Variants in PDE5A observed in about 807,000 individuals in gnomAD.
PDE5A encodes cGMP-specific 3',5'-cyclic phosphodiesterase.
Under a neutral mutation model 110.2 loss-of-function variants are expected in PDE5A, and 67 were observed. That is an observed-to-expected ratio of 0.61 (90% CI 0.50 to 0.75). The LOEUF (loss-of-function observed/expected upper bound fraction) is 0.75. Among genes scored for constraint, PDE5A ranks in the 30% least tolerant of loss-of-function variants. PDE5A has a pLI of 0.00. For synonymous variants in PDE5A, 328 were observed against 351.2 expected (o/e 0.93, Z 0.74); for missense variants, 862 against 1,045.1 (o/e 0.82, Z 2.42).
rs1305019938 is a variant in PDE5A, at chr4:119,627,425, C to A, written c.152+1095G>T. ...GTGGGACCCGGGCGTCGAACCCGGG[C>A]GGGCTCCTCGACCATCACTGCCGGG... On this transcript the variant is annotated intron_variant, in intron 1 of 20. Transcript: ENST00000354960. The surrounding 1 kb of genome is among the most constrained non-coding windows in gnomAD (Gnocchi z 4.6). 2 of 404,506 alleles carry A rather than the reference C, an allele frequency of 4.9e-6. No individual in the cohort carries two copies. Among genetic ancestry groups the A allele is most frequent in the Middle Eastern group, 1.2e-3 (1 of 824 alleles). 25.1% of individuals were successfully genotyped at this position (404,506 alleles called of 1,614,324 possible).
chr4:119,591,877 C>T (rs774376319), intron 3 of PDE5A, among the ~76,000 whole-genome samples: 11 of 152,010 alleles, frequency 7.2e-5, no homozygotes, highest in Non-Finnish European at 1.2e-4. Flanking sequence ...CTGGGCCGGG[C>T]GCAGTGGCTC....
At chr4:119,575,578 G>C (rs567692412) in intron 3 of PDE5A, among the ~76,000 whole-genome samples, 1 of 152,220 alleles carries the variant, frequency 6.6e-6, no homozygotes, top group East Asian at 1.9e-4. Flanking sequence ...TTCATATCCA[G>C]CCAAACTAAG....
chr4:119,541,300 ATTATAT>A (rs947763154), intron 10 of PDE5A, among the ~76,000 whole-genome samples: 4 of 151,488 alleles, frequency 2.6e-5, no homozygotes, highest in African/African-American at 9.7e-5. Context: ...TAGATTAAAA[ATTATAT>A]TTATATATTT....
chr4:119,604,768 T>C (rs1398675448), intron 2 of PDE5A, among the ~76,000 whole-genome samples: 1 of 152,148 alleles, frequency 6.6e-6, no homozygotes, highest in Non-Finnish European at 1.5e-5. Context: ...CATCTTCAAC[T>C]CCTCTTTTCC....
intron 1 of PDE5A, among the ~76,000 whole-genome samples, chr4:119,608,703 A>T (rs1729629264): frequency 6.6e-6 from 1 of 152,222 alleles, no homozygotes; most frequent in Non-Finnish European, 1.5e-5. Flanking sequence ...AGGATATTTC[A>T]AATAATTTGC....
At chr4:119,581,436 T>C (rs1238455720) in intron 3 of PDE5A, among the ~76,000 whole-genome samples, 1 of 152,166 alleles carries the variant, frequency 6.6e-6, no homozygotes, top group African/African-American at 2.4e-5. Context: ...CATGTGTGTG[T>C]GCGTGTATAT....
At chr4:119,530,004 C>T (rs1726474381) in intron 11 of PDE5A, among the ~76,000 whole-genome samples, 1 of 152,104 alleles carries the variant, frequency 6.6e-6, no homozygotes, top group Non-Finnish European at 1.5e-5. Context: ...GAGTGGGGCT[C>T]AGCAATCTGC....
chr4:119,501,247 T>A lies in PDE5A; in HGVS notation c.2413A>T (p.Met805Leu). 6.3e-7 allele frequency: 1 copy of A among 1,596,598 alleles called. No homozygotes were observed. Among genetic ancestry groups the A allele is most frequent in the East Asian group, 2.2e-5 (1 of 44,732 alleles). ...ATTTTGTTTTTCTTCTCCCTGTTCA[T>A]TAGATCCTGAAAATACAAATACAGA... ...KELNIEPTDLMNREKKNKIPS... is the reference protein window; with the variant it reads ...KELNIEPTDLLNREKKNKIPS... Residue 805 changes from methionine to leucine, a missense_variant, in exon 20 of 21, where the codon ATG becomes TTG. By Grantham distance (15) the Met-to-Leu change is conservative. Transcript: ENST00000354960.
At position 119,497,008 on chromosome 4, in the gene PDE5A, T is replaced by C. The variant is rs1725101925; in HGVS notation, c.*1593A>G. ...ATTATGTCAAGATATTTGTACACAC[T>C]CAGAATTTTAAAAACTTAAGGAACA... is the stretch of plus-strand genomic sequence containing the variant. On this transcript the variant is annotated 3_prime_UTR_variant, in exon 21 of 21. Transcript: ENST00000354960. The C allele has an allele frequency of 6.6e-6, 1 of 152,094 alleles. No individual in the cohort carries two copies. The highest frequency in any genetic ancestry group is 1.5e-5 in the Non-Finnish European group (1 of 67,990). 9.4% of individuals were successfully genotyped at this position (152,094 alleles called of 1,614,324 possible).
intron 3 of PDE5A, among the ~76,000 whole-genome samples, chr4:119,594,026 C>T (rs1247272781): frequency 4.6e-5 from 7 of 152,136 alleles, no homozygotes; most frequent in South Asian, 2.1e-4. Context: ...CACCTGGTCC[C>T]GCCCTTGATA....
intron 3 of PDE5A, among the ~76,000 whole-genome samples, chr4:119,575,069 T>G (rs535814734): frequency 3.9e-5 from 6 of 152,064 alleles, no homozygotes; most frequent in African/African-American, 1.2e-4. Context: ...TTCGATCAAC[T>G]GGAAGAAAGG....
intron 3 of PDE5A, among the ~76,000 whole-genome samples, chr4:119,585,491 T>C (rs1375092272): frequency 6.6e-6 from 1 of 152,154 alleles, no homozygotes; most frequent in Non-Finnish European, 1.5e-5. Context: ...CATTTTTTAG[T>C]ACATGAAAGG....
chr4:119,536,765 G>C (rs963443461), intron 11 of PDE5A, among the ~76,000 whole-genome samples: 1 of 152,086 alleles, frequency 6.6e-6, no homozygotes, highest in Non-Finnish European at 1.5e-5. Flanking sequence ...TCTCTCTCCA[G>C]TGCTGTGCAA....
intron 13 of PDE5A, among the ~76,000 whole-genome samples, chr4:119,520,515 A>G (rs1404002180): frequency 6.6e-6 from 1 of 152,128 alleles, no homozygotes; most frequent in African/African-American, 2.4e-5. Flanking sequence ...AATGCGATAC[A>G]GACCCCTAAC....
rs1378334499 is a variant in PDE5A, at chr4:119,622,063, A to G, written c.152+6457T>C. ...GTGGTGGGCGCCTGTAGTCCCAGCTACTCGGGAGGCTGAGGCAAGAGAATG... is the reference window on the plus strand; with the variant it reads ...GTGGTGGGCGCCTGTAGTCCCAGCTGCTCGGGAGGCTGAGGCAAGAGAATG... On this transcript the variant is annotated intron_variant, in intron 1 of 20. Transcript: ENST00000354960. Among the ~76,000 whole-genome samples, 4 of 151,702 alleles carry G rather than the reference A, an allele frequency of 2.6e-5. 1 individual carries two copies. The highest frequency in any genetic ancestry group is 9.7e-5 in the African/African-American group (4 of 41,262).
At chr4:119,512,452 G>A (rs1030164494) in intron 14 of PDE5A, 1 of 152,146 alleles carries the variant, frequency 6.6e-6, no homozygotes, top group African/African-American at 2.4e-5. Flanking sequence ...GAACTTACTG[G>A]AAACAGGATT....
chr4:119,559,711 G>A (rs1027528180), intron 7 of PDE5A, among the ~76,000 whole-genome samples: 1 of 152,168 alleles, frequency 6.6e-6, no homozygotes, highest in African/African-American at 2.4e-5. Context: ...GCTAGAAAAT[G>A]CAATGGCACA....
chr4:119,495,095 T>C lies in PDE5A; in HGVS notation c.*3506A>G, dbSNP rs1433682348. On this transcript the variant is annotated 3_prime_UTR_variant, in exon 21 of 21. Transcript: ENST00000354960. ...CTTGCAAAAAGACAGGATGTTTGTT[T>C]ACTGGTAGATTCTTAGTAAGTTTCA... 2.0e-5 allele frequency: 3 copies of C among 152,502 alleles called. No individual in the cohort carries two copies. Among genetic ancestry groups the C allele is most frequent in the African/African-American group, 4.8e-5 (2 of 41,580 alleles). 9.4% of individuals were successfully genotyped at this position (152,502 alleles called of 1,614,324 possible).
intron 3 of PDE5A, 75 bp downstream of exon 3, chr4:119,596,448 C>A: frequency 1.4e-6 from 1 of 703,706 alleles, no homozygotes; most frequent in Non-Finnish European, 2.3e-6. Context: ...CATATATATG[C>A]AAAGTAAATA....
Sources: allele counts gnomAD v4.1 joint callset (sites outside exome capture counted in the v4.1 genomes callset), GRCh38; gene constraint gnomAD v4.1.1; non-coding constraint Gnocchi (gnomAD v3.1); transcripts MANE v1.5; gene names NCBI Gene and HGNC (gene_info 2026-07-23, HGNC 2026-07-21).